Variants in SUPT3H observed in about 807,000 individuals in gnomAD.
The protein encoded by SUPT3H is SPT3 homolog, SAGA and STAGA complex component.
SUPT3H carries 44 observed loss-of-function variants against 44.3 expected under a neutral mutation model. That is an observed-to-expected ratio of 0.99 (90% confidence interval 0.78 to 1.28). The LOEUF (loss-of-function observed/expected upper bound fraction) is 1.28, where lower values mean the gene tolerates loss of function less well. SUPT3H is among the 50% of genes most tolerant of loss of function. The pLI is 0.00. For missense variants in SUPT3H, 380 were observed against 387.1 expected (o/e 0.98, Z 0.15); for synonymous variants, 124 against 125.6 (o/e 0.99, Z 0.09).
chr6:45,104,193 C>T (rs1305610347), intron 3 of SUPT3H, among the ~76,000 whole-genome samples: 1 of 152,000 alleles, frequency 6.6e-6, no homozygotes. Context: ...CCATATGCTT[C>T]CTTTTTTATC....
chr6:45,090,068 G>A (rs758943230), intron 3 of SUPT3H, among the ~76,000 whole-genome samples: 14 of 151,974 alleles, frequency 9.2e-5, no homozygotes, highest in Non-Finnish European at 2.1e-4. Flanking sequence ...TCAACCAATA[G>A]CTGAATTTGG....
rs552385188 is a variant in SUPT3H, at chr6:44,946,233, G to A, written c.801+7077C>T. On this transcript the variant is annotated intron_variant, in intron 9 of 10. Transcript: ENST00000371459. ...TATCTGGTCACCCAAGAGCTCTGCT[G>A]GAGAAGTACAAAAAGATGAACACTG... 1.1e-4 allele frequency among the ~76,000 whole-genome samples: 17 copies of A among 152,258 alleles called. 1 individual carries two copies. The South Asian group carries it at 3.5e-3, about 32-fold the overall frequency.
chr6:45,178,532 C>G (rs1342222687), intron 2 of SUPT3H, among the ~76,000 whole-genome samples: 2 of 151,898 alleles, frequency 1.3e-5, no homozygotes, highest in Non-Finnish European at 2.9e-5. Context: ...CAAGGATACC[C>G]AGGAATTGAA....
intron 2 of SUPT3H, among the ~76,000 whole-genome samples, chr6:45,134,768 G>A (rs1804010656): frequency 6.6e-6 from 1 of 152,150 alleles, no homozygotes; most frequent in Non-Finnish European, 1.5e-5. Flanking sequence ...TTGCATGCTG[G>A]TAGCTCGACA....
At position 45,332,977 on chromosome 6, in the gene SUPT3H, C is replaced by A. The variant is rs1349261712; in HGVS notation, c.101+32224G>T. The stretch of plus-strand genomic sequence containing the variant: ...TAGATAAAATTCTGCCTCTCCTCAC[C>A]CCCCAAAAAATCATAAAACTCCCAT... On this transcript the variant is annotated intron_variant, in intron 2 of 10. Transcript: ENST00000371459. Among the ~76,000 whole-genome samples the A allele has an allele frequency of 2.6e-5, 4 of 151,612 alleles. No individual in the cohort carries two copies. In the East Asian group the frequency reaches 7.7e-4, roughly 29 times the overall value.
chr6:45,032,814 T>C (rs1787145158), intron 3 of SUPT3H, among the ~76,000 whole-genome samples: 1 of 152,174 alleles, frequency 6.6e-6, no homozygotes, highest in African/African-American at 2.4e-5. Flanking sequence ...CTCAGCACTC[T>C]TCTCTACAAA....
At position 45,114,512 on chromosome 6, in the gene SUPT3H, A is replaced by T. The variant is rs533748995; in HGVS notation, c.102-8506T>A. Among the ~76,000 whole-genome samples, 3 of 152,264 alleles carry T rather than the reference A, an allele frequency of 2.0e-5. No homozygotes were observed. The East Asian group carries it at 5.8e-4, about 29-fold the overall frequency. ...ATATAAATCAGAAAATTTTTTTAAAAATCAAGATTTACATAAGAAAGCTCA... is the reference window on the plus strand; with the variant it reads ...ATATAAATCAGAAAATTTTTTTAAATATCAAGATTTACATAAGAAAGCTCA... On this transcript the variant is annotated intron_variant, in intron 2 of 10. Transcript: ENST00000371459.
intron 2 of SUPT3H, chr6:45,328,251 A>T: frequency 7.5e-7 from 1 of 1,329,906 alleles, no homozygotes; most frequent in South Asian, 1.2e-5. Flanking sequence ...AAACCACATG[A>T]TTCTGCCTCT....
At chr6:45,090,452 A>T (rs1796996147) in intron 3 of SUPT3H, among the ~76,000 whole-genome samples, 1 of 152,084 alleles carries the variant, frequency 6.6e-6, no homozygotes, top group African/African-American at 2.4e-5. Context: ...ACTGAATTCC[A>T]GTATTTTCTT....
At chr6:45,108,893 T>C (rs1046262578) in intron 2 of SUPT3H, among the ~76,000 whole-genome samples, 1 of 152,130 alleles carries the variant, frequency 6.6e-6, no homozygotes, top group Non-Finnish European at 1.5e-5. Flanking sequence ...ACACGGTCCT[T>C]ATATGCAGAT....
chr6:44,844,141 T>C (rs1282197286), intron 10 of SUPT3H, among the ~76,000 whole-genome samples: 3 of 152,118 alleles, frequency 2.0e-5, no homozygotes, highest in South Asian at 2.1e-4. Flanking sequence ...GATAACTCAA[T>C]AGGGAAAGGA....
intron 2 of SUPT3H, among the ~76,000 whole-genome samples, chr6:45,235,203 T>G (rs1186701151): frequency 6.6e-6 from 1 of 152,198 alleles, no homozygotes; most frequent in Non-Finnish European, 1.5e-5. Flanking sequence ...TTTTTCTGCA[T>G]CAGTATAAAC....
At chr6:45,295,538 A>AC (rs1562897856) in intron 2 of SUPT3H, among the ~76,000 whole-genome samples, 3 of 147,328 alleles carry the variant, frequency 2.0e-5, no homozygotes, top group African/African-American at 5.1e-5. Context: ...AAAAAAAAAA[A>AC]AAAAAAAAAA....
chr6:44,892,073 T>G (rs907831832), intron 10 of SUPT3H, among the ~76,000 whole-genome samples: 3 of 152,144 alleles, frequency 2.0e-5, no homozygotes, highest in African/African-American at 7.2e-5. Context: ...AAAAGGAAGA[T>G]AGTGAGTACA....
chr6:44,816,586 T>G (rs977730686), intron 11 of SUPT3H, among the ~76,000 whole-genome samples: 1 of 152,270 alleles, frequency 6.6e-6, no homozygotes, highest in Admixed American at 6.5e-5. Context: ...AAAACACTAA[T>G]TCTACAGAAA....
intron 3 of SUPT3H, among the ~76,000 whole-genome samples, chr6:45,041,427 T>C (rs10948198): frequency 0.35 from 53,807 of 151,966 alleles, 10,358 homozygotes; most frequent in Non-Finnish European, 0.43. Flanking sequence ...TCCAAAGACT[T>C]CTGGACAGCA....
intron 2 of SUPT3H, among the ~76,000 whole-genome samples, chr6:45,320,790 T>G: frequency 6.6e-6 from 1 of 152,166 alleles, no homozygotes; most frequent in East Asian, 1.9e-4. Context: ...AATTCAAAAT[T>G]AATACTTTGT....
At chr6:44,886,020 T>C (rs1218631599) in intron 10 of SUPT3H, among the ~76,000 whole-genome samples, 2 of 152,038 alleles carry the variant, frequency 1.3e-5, no homozygotes, top group Non-Finnish European at 2.9e-5. Flanking sequence ...GTATCAGTGA[T>C]GGAAGATGAA....
chr6:45,144,565 T>C (rs988337646), intron 2 of SUPT3H, among the ~76,000 whole-genome samples: 10 of 151,760 alleles, frequency 6.6e-5, no homozygotes, highest in African/African-American at 9.7e-5. Context: ...ACAGGGAAAA[T>C]TGGAAAGAAT....
Sources: gnomAD v4.1 joint callset for allele counts (sites outside exome capture counted in the v4.1 genomes callset) on GRCh38, gnomAD v4.1.1 for gene constraint, MANE v1.5 for transcripts, NCBI Gene and HGNC (gene_info 2026-07-23, HGNC 2026-07-21) for gene names.